The following MARCHF7 variants were observed in gnomAD, a reference collection of about 807,000 sequenced individuals.
The protein encoded by MARCHF7 is membrane associated ring-CH-type finger 7.
MARCHF7 carries 20 observed loss-of-function variants against 76.5 expected under a neutral mutation model. That is an observed-to-expected ratio of 0.26 (90% CI 0.18 to 0.38). The LOEUF (loss-of-function observed/expected upper bound fraction) is 0.38. MARCHF7 is among the 10% of genes least tolerant of loss of function. The probability of loss-of-function intolerance (pLI) is 1.00; values close to 1 mark genes in which losing one functional copy is unlikely to be tolerated. For missense variants in MARCHF7, 797 were observed against 812.9 expected (o/e 0.98, Z 0.24); for synonymous variants, 295 against 293.0 (o/e 1.01, Z -0.07).
At chr2:159,732,882 G>T (rs997465121) in intron 4 of MARCHF7, 78 of 984,956 alleles carry the variant, frequency 7.9e-5, no homozygotes, top group Non-Finnish European at 8.8e-5. Context: ...TAGTGATAGC[G>T]GTTTCTTCAT....
At chr2:159,715,353 T>C (rs1700908475) in intron 2 of MARCHF7, among the ~76,000 whole-genome samples, 1 of 148,334 alleles carries the variant, frequency 6.7e-6, no homozygotes, top group African/African-American at 2.6e-5. Context: ...ATTTGAGAGT[T>C]TAGGTGGGGG....
rs1704360559 is a variant in MARCHF7 at position 159,743,211 on chromosome 2, T to A, written c.304T>A (p.Ser102Thr). The A allele has an allele frequency of 6.2e-7, 1 of 1,613,974 alleles. No individual in the cohort carries two copies. The highest frequency in any genetic ancestry group is 1.3e-5 in the African/African-American group (1 of 74,924). The change falls in exon 5 of 12, where the codon TCA (serine) becomes ACA (threonine). Residue 102 changes from serine to threonine, a missense_variant. By Grantham distance (58) the Ser-to-Thr change is moderately conservative. Coordinates refer to ENST00000409175, the MANE Select transcript of MARCHF7 (RefSeq NM_001282805.2). ...ACTTTCCTGTACAAACTGTACTACC[T>A]CAGCTGGGAGAAATGTTGGAAATGG... ...PKLSCTNCTT[S>T]AGRNVGNGLN...
chr2:159,723,765 TAA>T (rs1701881588), intron 3 of MARCHF7, among the ~76,000 whole-genome samples: 2 of 152,232 alleles, frequency 1.3e-5, no homozygotes, highest in Admixed American at 1.3e-4. Context: ...CATGAACAGC[TAA>T]GTTTTTCCAA....
intron 9 of MARCHF7, among the ~76,000 whole-genome samples, chr2:159,760,151 T>G (rs1706858294): frequency 6.6e-6 from 1 of 152,218 alleles, no homozygotes; most frequent in African/African-American, 2.4e-5. Flanking sequence ...CCAGTCTGTG[T>G]TGTTTTATGG....
rs1018149726 is a variant in MARCHF7, at chr2:159,762,083, A to G, written c.1894-797A>G. Reference sequence around the variant, plus strand: ...GTGCCAAGTAGCTATAAAATGTCATATACCCTATAGTTCAATAGTGTATAG... The same window carrying G: ...GTGCCAAGTAGCTATAAAATGTCATGTACCCTATAGTTCAATAGTGTATAG... On this transcript the variant is annotated intron_variant, in intron 9 of 11. Coordinates refer to ENST00000409175, the MANE Select transcript of MARCHF7 (RefSeq NM_001282805.2). 2.6e-5 allele frequency among the ~76,000 whole-genome samples: 4 copies of G among 152,234 alleles called. No homozygotes were observed. In the East Asian group the frequency reaches 5.8e-4, roughly 22 times the overall value.
At chr2:159,737,697 A>T (rs2081722) in intron 4 of MARCHF7, among the ~76,000 whole-genome samples, 52,468 of 152,062 alleles carry the variant, frequency 0.35, 9,257 homozygotes, top group South Asian at 0.44. Flanking sequence ...CTGAGGTGGA[A>T]GGATTGCTTG....
rs1707544107 is a variant in MARCHF7 at position 159,764,660 on chromosome 2, T to C, written c.2042T>C (p.Met681Thr). 1.2e-6 allele frequency: 2 copies of C among 1,603,396 alleles called. No homozygotes were observed. Among genetic ancestry groups the C allele is most frequent in the Non-Finnish European group, 1.7e-6 (2 of 1,175,468 alleles). ...CTTGCAAGAACTCTTCAGGCACATA[T>C]GGAAGATCTCGAAAGTAGGTGGAAT... is the stretch of plus-strand genomic sequence containing the variant. ...INLARTLQAH[M>T]EDLETSEDDS... The change falls in exon 11 of 12, where the codon ATG (methionine) becomes ACG (threonine). Residue 681 changes from methionine to threonine, a missense_variant. By Grantham distance (81) the Met-to-Thr change is moderately conservative (BLOSUM62 -1). Around this residue, in one of 3 missense-constraint regions of MARCHF7, gnomAD observed 124 missense variants for 121.3 expected, o/e 1.02. Coordinates refer to ENST00000409175, the MANE Select transcript of MARCHF7 (RefSeq NM_001282805.2).
chr2:159,744,446 C>G (rs960745236), intron 5 of MARCHF7, among the ~76,000 whole-genome samples: 1 of 152,132 alleles, frequency 6.6e-6, no homozygotes, highest in African/African-American at 2.4e-5. Context: ...TTTTCACACA[C>G]GTTGAAAAGA....
rs1290118038 is a variant in MARCHF7, at chr2:159,748,539, A to G, written c.1249A>G (p.Thr417Ala). The change falls in exon 7 of 12, where the codon ACA becomes GCA. Residue 417 changes from threonine (T) to alanine (A), a missense_variant. Transcript: ENST00000409175. ...DESSRIPTSD[T>A]SSRSHIFRRE... ...ATCTTCAAGGATACCTACCTCTGAT[A>G]CATCATCTAGATCTCATATTTTTAG... is the stretch of plus-strand genomic sequence containing the variant. 6.2e-7 allele frequency: 1 copy of G among 1,614,210 alleles called. No individual in the cohort carries two copies. The highest frequency in any genetic ancestry group is 8.5e-7 in the Non-Finnish European group (1 of 1,180,034).
chr2:159,734,465 T>C (rs1703212744), intron 4 of MARCHF7, among the ~76,000 whole-genome samples: 1 of 152,072 alleles, frequency 6.6e-6, no homozygotes, highest in South Asian at 2.1e-4. Context: ...TAGATGCATA[T>C]ACAATTAAAC....
In MARCHF7 at chr2:159,760,970, TA is replaced by T. The variant is rs372685101; in HGVS notation, c.1893+1637del. ...CACTGATTTTAAGTGATTAGTTTAA[TA>T]AGTCTATTTCCACATTAACCAGTGG... On this transcript the variant is annotated intron_variant, in intron 9 of 11. Coordinates refer to ENST00000409175, the MANE Select transcript of MARCHF7 (RefSeq NM_001282805.2). Among the ~76,000 whole-genome samples the T allele has an allele frequency of 2.8e-4, 43 of 152,250 alleles. No homozygotes were observed. In the East Asian group the frequency reaches 8.1e-3, roughly 29 times the overall value.
intron 3 of MARCHF7, among the ~76,000 whole-genome samples, chr2:159,722,990 T>C (rs1018096510): frequency 6.6e-6 from 1 of 152,322 alleles, no homozygotes; most frequent in Middle Eastern, 3.4e-3. Context: ...TTAGGAAACA[T>C]TATTGTTGTT....
At chr2:159,764,719 C>G in intron 11 of MARCHF7, 45 bp downstream of exon 11, 1 of 1,504,084 alleles carries the variant, frequency 6.6e-7, no homozygotes. Flanking sequence ...TTTACTTTTG[C>G]AAATTAAACC....
intron 4 of MARCHF7, chr2:159,733,018 A>G (rs1703002878): frequency 3.0e-6 from 2 of 663,632 alleles, no homozygotes; most frequent in African/African-American, 2.0e-5. Context: ...ATAGGGGTTC[A>G]GGTGTTACTA....
At chr2:159,744,081 G>A (rs1260293557) in intron 5 of MARCHF7, among the ~76,000 whole-genome samples, 4 of 135,666 alleles carry the variant, frequency 2.9e-5, no homozygotes, top group Non-Finnish European at 6.2e-5. Context: ...TCCGCCTCCC[G>A]GGTTCACGCC....
rs1700958669 is a variant in MARCHF7 at position 159,715,714 on chromosome 2, G to C, written c.-67G>C. On this transcript the variant is annotated 5_prime_UTR_variant, in exon 3 of 12. Transcript: ENST00000409175. ...CCTGGCATGAACTTACATGGTCAGA[G>C]CTGGTTTTTCCTGCCCTCAAATATA... 6.6e-6 allele frequency: 1 copy of C among 152,142 alleles called. No individual in the cohort carries two copies. Among genetic ancestry groups the C allele is most frequent in the Non-Finnish European group, 1.5e-5 (1 of 68,040 alleles). 9.4% of individuals were successfully genotyped at this position (152,142 alleles called of 1,614,324 possible).
rs1700814523 is a variant in MARCHF7 at position 159,714,543 on chromosome 2, A to G, written c.-142-14A>G. ...AAAGAAACTGCAAAGTCATGATATT[A>G]TGGTTTGTTTTAGGAATTCATGATT... On this transcript the variant is annotated splice_polypyrimidine_tract_variant and intron_variant, in intron 1 of 11. Coordinates refer to ENST00000409175, the MANE Select transcript of MARCHF7 (RefSeq NM_001282805.2). 2 of 152,168 alleles carry G rather than the reference A, an allele frequency of 1.3e-5. No individual in the cohort carries two copies. Among genetic ancestry groups the G allele is most frequent in the African/African-American group, 2.4e-5 (1 of 41,440 alleles). 9.4% of individuals were successfully genotyped at this position (152,168 alleles called of 1,614,324 possible). A position where few individuals can be genotyped will look rare whatever the true frequency, so the allele number is the denominator to read the frequency against.
chr2:159,767,287 C>T lies in MARCHF7; in HGVS notation c.2060C>T (p.Ser687Leu), dbSNP rs755836804. The T allele has an allele frequency of 6.2e-7, 1 of 1,609,280 alleles. No homozygotes were observed. Among genetic ancestry groups the T allele is most frequent in the African/African-American group, 1.3e-5 (1 of 74,676 alleles). The change falls in exon 12 of 12, where the codon TCA becomes TTA. Residue 687 changes from serine (S) to leucine (L), a missense_variant. By Grantham distance (145) the Ser-to-Leu change is moderately radical (BLOSUM62 -2). Coordinates refer to ENST00000409175, the MANE Select transcript of MARCHF7 (RefSeq NM_001282805.2). ...TCATCCTGTTTTCTTTCAACAGCTT[C>T]AGAGGATGATTCCGAAGAAGACGGA... ...LQAHMEDLET[S>L]EDDSEEDGDH...
At chr2:159,738,989 G>A (rs751669904) in intron 4 of MARCHF7, among the ~76,000 whole-genome samples, 2 of 152,204 alleles carry the variant, frequency 1.3e-5, no homozygotes, top group Non-Finnish European at 2.9e-5. Flanking sequence ...AAGTCCAGAC[G>A]GGGGCCAAGG....
Sources: allele counts gnomAD v4.1 joint callset (sites outside exome capture counted in the v4.1 genomes callset), GRCh38; gene constraint gnomAD v4.1.1; regional missense constraint gnomAD v4.1.1; transcripts MANE v1.5; gene names NCBI Gene and HGNC (gene_info 2026-07-23, HGNC 2026-07-21).